The following DOCK1 variants were observed in gnomAD, a reference collection of about 807,000 sequenced individuals.
DOCK1 encodes the protein dedicator of cytokinesis 1.
Under a neutral mutation model 262.7 loss-of-function variants are expected in DOCK1, and 138 were observed. That is an observed-to-expected ratio of 0.53 (90% CI 0.46 to 0.61). The LOEUF (loss-of-function observed/expected upper bound fraction) is 0.61, where lower values mean the gene tolerates loss of function less well. Ranked by LOEUF, DOCK1 falls within the 20% of genes least tolerant of loss-of-function variation. DOCK1 has a pLI of 0.00. For synonymous variants in DOCK1, 866 were observed against 867.4 expected (o/e 1.00, Z 0.03); for missense variants, 1,908 against 2,370.7 (o/e 0.80, Z 4.05).
In DOCK1 at chr10:127,002,180, T is replaced by G. The variant is rs989285626; in HGVS notation, c.985+1873T>G. On this transcript the variant is annotated intron_variant, in intron 10 of 51. Transcript: ENST00000623213. ...CTTGATGGTAGTTTTAAGAAAATAT[T>G]TAATTTTTGTCTCAGGCATAATTGG... Among the ~76,000 whole-genome samples the G allele has an allele frequency of 3.3e-5, 5 of 152,308 alleles. No individual in the cohort carries two copies. The South Asian group carries it at 8.3e-4, about 25-fold the overall frequency.
At chr10:126,905,967 G>T (rs2030706615) in intron 1 of DOCK1, among the ~76,000 whole-genome samples, 1 of 152,152 alleles carries the variant, frequency 6.6e-6, no homozygotes, top group Admixed American at 6.5e-5. Context: ...TCTCGCGGCG[G>T]CTTCTGCTTC....
At chr10:126,947,161 T>C (rs1291417582) in intron 1 of DOCK1, among the ~76,000 whole-genome samples, 3 of 152,232 alleles carry the variant, frequency 2.0e-5, no homozygotes, top group Non-Finnish European at 1.5e-5. Context: ...GATGATGTGG[T>C]ATTCCATGGT....
chr10:126,958,499 C>T (rs2036927743), intron 1 of DOCK1, among the ~76,000 whole-genome samples: 1 of 152,142 alleles, frequency 6.6e-6, no homozygotes, highest in African/African-American at 2.4e-5. Context: ...GGTATTCCCA[C>T]ATCTGTACAG....
At chr10:127,064,677 G>A (rs534679915) in intron 23 of DOCK1, among the ~76,000 whole-genome samples, 4 of 152,226 alleles carry the variant, frequency 2.6e-5, no homozygotes, top group South Asian at 2.1e-4. Flanking sequence ...TTTCAGTACC[G>A]CCTCACCGTC....
chr10:127,157,711 A>G (rs1490575243), intron 27 of DOCK1, among the ~76,000 whole-genome samples: 2 of 152,152 alleles, frequency 1.3e-5, no homozygotes, highest in African/African-American at 4.8e-5. Context: ...GTTTCTAAAT[A>G]TATGTATGTT....
At chr10:127,037,848 C>CTTTTTTTT in intron 19 of DOCK1, 32 bp downstream of exon 19, 1 of 1,047,186 alleles carries the variant, frequency 9.5e-7, no homozygotes, top group Non-Finnish European at 1.3e-6. Context: ...CTTTTTGGGT[C>CTTTTTTTT]TTTTTTTTTT....
At chr10:127,419,576 C>A in intron 45 of DOCK1, 90 bp from the exon 46 acceptor site, 2 of 1,241,030 alleles carry the variant, frequency 1.6e-6, no homozygotes, top group Non-Finnish European at 1.1e-6. Context: ...TTATGCACAG[C>A]TCTATTCTCA....
chr10:127,203,117 G>A (rs1473765041), intron 27 of DOCK1, among the ~76,000 whole-genome samples: 1 of 152,174 alleles, frequency 6.6e-6, no homozygotes, highest in African/African-American at 2.4e-5. Flanking sequence ...TATAATTTCA[G>A]TGATATTCTC....
intron 27 of DOCK1, among the ~76,000 whole-genome samples, chr10:127,232,838 G>A (rs1453685781): frequency 1.3e-5 from 2 of 152,184 alleles, no homozygotes; most frequent in African/African-American, 4.8e-5. Flanking sequence ...CAAACAAGTT[G>A]TGATTCTGGA....
chr10:127,327,500 G>A (rs985273770), intron 29 of DOCK1, among the ~76,000 whole-genome samples: 6 of 152,258 alleles, frequency 3.9e-5, no homozygotes, highest in African/African-American at 1.2e-4. Flanking sequence ...CAGAGTTTAG[G>A]GCCTTGCTCT....
chr10:127,220,114 A>G (rs1046232933), intron 27 of DOCK1, among the ~76,000 whole-genome samples: 1 of 152,060 alleles, frequency 6.6e-6, no homozygotes, highest in Admixed American at 6.6e-5. Flanking sequence ...TCATGTAGTT[A>G]AACATTCATT....
chr10:127,428,971 A>ACCATGTGGATTGGGGTG (rs1565085394), intron 47 of DOCK1, among the ~76,000 whole-genome samples: 6 of 15,500 alleles, frequency 3.9e-4, no homozygotes, highest in South Asian at 2.6e-3. Flanking sequence ...GGATTCGGGT[A>ACCATGTGGATTGGGGTG]CCATGTGGAT....
intron 38 of DOCK1, among the ~76,000 whole-genome samples, chr10:127,395,329 T>A (rs1310228254): frequency 6.6e-6 from 1 of 152,082 alleles, no homozygotes; most frequent in Non-Finnish European, 1.5e-5. Context: ...CTCTGAGTAG[T>A]CATGTCCTGG....
At chr10:127,375,620 T>C (rs922429877) in intron 35 of DOCK1, among the ~76,000 whole-genome samples, 1 of 152,236 alleles carries the variant, frequency 6.6e-6, no homozygotes, top group Non-Finnish European at 1.5e-5. Context: ...TCATCGACTA[T>C]GGTATCAGTG....
At chr10:127,290,924 T>C (rs1165091514) in intron 29 of DOCK1, among the ~76,000 whole-genome samples, 1 of 152,206 alleles carries the variant, frequency 6.6e-6, no homozygotes, top group African/African-American at 2.4e-5. Context: ...AGTTTTTATT[T>C]CTCTGAGTTA....
intron 31 of DOCK1, among the ~76,000 whole-genome samples, chr10:127,347,655 C>T (rs906442078): frequency 8.7e-5 from 13 of 148,984 alleles, no homozygotes; most frequent in African/African-American, 3.0e-4. Flanking sequence ...CTTGGAGCCC[C>T]GTGGAGCTTG....
chr10:127,168,629 T>C (rs1244849648), intron 27 of DOCK1, among the ~76,000 whole-genome samples: 1 of 152,212 alleles, frequency 6.6e-6, no homozygotes, highest in African/African-American at 2.4e-5. Context: ...AAGACTTTGA[T>C]CTCTATTAAG....
rs1325736488 is a variant in DOCK1 at position 127,437,215 on chromosome 10, T to A, written c.5061-1812T>A. 1.3e-5 allele frequency among the ~76,000 whole-genome samples: 2 copies of A among 152,210 alleles called. No individual in the cohort carries two copies. The highest frequency in any genetic ancestry group is 2.9e-5 in the Non-Finnish European group (2 of 68,044). On this transcript the variant is annotated intron_variant, in intron 48 of 51. Transcript: ENST00000623213. This position sits in a 1 kb window ranked among gnomAD's most constrained non-coding sequence, Gnocchi z 4.4. ...TTATGGAGATGTTAACAGCTATTGA[T>A]AATCAGTGCTTAGATTCAATACCAT...
At chr10:126,944,812 A>G (rs1201767122) in intron 1 of DOCK1, among the ~76,000 whole-genome samples, 2 of 152,084 alleles carry the variant, frequency 1.3e-5, no homozygotes, top group Non-Finnish European at 2.9e-5. Flanking sequence ...GCTGTGTAAC[A>G]GATCACACCA....
Sources: gnomAD v4.1 joint callset for allele counts (sites outside exome capture counted in the v4.1 genomes callset) on GRCh38, gnomAD v4.1.1 for gene constraint, Gnocchi (gnomAD v3.1) non-coding constraint, MANE v1.5 for transcripts, NCBI Gene and HGNC (gene_info 2026-07-23, HGNC 2026-07-21) for gene names.